SETD3: variants seen among roughly 807,000 people sequenced by gnomAD.
SETD3 encodes SET domain containing 3, actin N3(tau)-histidine methyltransferase.
SETD3 carries 19 observed loss-of-function variants against 63.0 expected under a neutral mutation model. The ratio of observed to expected loss-of-function variants is 0.30; its 90% CI spans 0.21 to 0.44. The LOEUF is 0.44. Among genes scored for constraint, SETD3 ranks in the 20% least tolerant of loss-of-function variants. SETD3 has a pLI of 1.00. For synonymous variants in SETD3, 286 were observed against 264.1 expected (o/e 1.08, Z -0.80); for missense variants, 587 against 728.5 (o/e 0.81, Z 2.24).
intron 8 of SETD3, among the ~76,000 whole-genome samples, chr14:99,408,464 G>T (rs1161475885): frequency 6.6e-6 from 1 of 152,114 alleles, no homozygotes; most frequent in Non-Finnish European, 1.5e-5. Flanking sequence ...TGAACTCCCA[G>T]GAGGGAGTCC....
At chr14:99,441,559 T>C (rs12894479) in intron 6 of SETD3, among the ~76,000 whole-genome samples, 75,750 of 152,140 alleles carry the variant, frequency 0.5, 19,436 homozygotes, top group African/African-American at 0.6. Context: ...CTAGCACAGA[T>C]GTCAGGGGGT....
intron 12 of SETD3, 39 bp downstream of exon 12, chr14:99,400,060 C>T: frequency 2.6e-6 from 4 of 1,548,616 alleles, no homozygotes; most frequent in Non-Finnish European, 3.5e-6. Context: ...ATCTTAACAA[C>T]ACAACAAGTT....
At chr14:99,438,749 C>G (rs531695433) in intron 6 of SETD3, among the ~76,000 whole-genome samples, 4 of 152,170 alleles carry the variant, frequency 2.6e-5, no homozygotes, top group Non-Finnish European at 4.4e-5. Context: ...TGACCATGTG[C>G]CCCTACAGGA....
chr14:99,477,132 A>C (rs944637124), intron 1 of SETD3, among the ~76,000 whole-genome samples: 2 of 152,188 alleles, frequency 1.3e-5, no homozygotes, highest in African/African-American at 4.8e-5. Flanking sequence ...TTCATTGTCA[A>C]CCAAGACTGT....
chr14:99,453,530 T>G (rs866396613), intron 6 of SETD3, among the ~76,000 whole-genome samples: 5 of 152,018 alleles, frequency 3.3e-5, no homozygotes, highest in Admixed American at 1.3e-4. Flanking sequence ...TCATTAGAAA[T>G]TTTCTAATGA....
At position 99,458,411 on chromosome 14, in the gene SETD3, A is replaced by T; in HGVS notation, c.543T>A (p.Ser181Arg). Residue 181 changes from serine to arginine, a missense_variant, in exon 6 of 13, where the codon AGT (serine) becomes AGA (arginine). Physicochemically the swap from Ser to Arg is moderately radical, Grantham distance 110. Coordinates refer to ENST00000331768, the MANE Select transcript of SETD3 (RefSeq NM_032233.3). The part of the protein sequence containing the change: ...FWQPYIQTLP[S>R]EYDTPLYFEE... Reference sequence around the variant, plus strand: ...CAAAGTAGAGAGGAGTGTCATATTCACTGGGGAGGGTTTGAATATAGGGCT... The same window carrying T: ...CAAAGTAGAGAGGAGTGTCATATTCTCTGGGGAGGGTTTGAATATAGGGCT... The T allele has an allele frequency of 1.9e-6, 3 of 1,614,102 alleles. No individual in the cohort carries two copies. Among genetic ancestry groups the T allele is most frequent in the Non-Finnish European group, 2.5e-6 (3 of 1,179,998 alleles).
At position 99,421,545 on chromosome 14, in the gene SETD3, C is replaced by A. The variant is rs567539606; in HGVS notation, c.676-7611G>T. Among the ~76,000 whole-genome samples the A allele has an allele frequency of 2.0e-5, 3 of 152,062 alleles. No homozygotes were observed. The South Asian group carries it at 6.3e-4, about 32-fold the overall frequency. On this transcript the variant is annotated intron_variant, in intron 6 of 12. Coordinates refer to ENST00000331768, the MANE Select transcript of SETD3 (RefSeq NM_032233.3). ...CAGAATATGTAGATAAACTCCTGTC[C>A]TAGAAAGGTATGACCTCAGCTTGGT...
In SETD3 at chr14:99,404,290, T is replaced by C; in HGVS notation, c.1112A>G (p.His371Arg). Residue 371 changes from histidine to arginine, a missense_variant, in exon 11 of 13, where the codon CAT (histidine) becomes CGT (arginine). Physicochemically the swap from His to Arg is conservative, Grantham distance 29. Transcript: ENST00000331768. ...GIPTSSVFAL[H>R]FTEPPISAQL... ...AGCAGAGATGGGCGGCTCGGTAAAA[T>C]GCAATGCAAAAACACTGGAACTGAT... 1 of 1,614,058 alleles carries C rather than the reference T, an allele frequency of 6.2e-7. No homozygotes were observed. Among genetic ancestry groups the C allele is most frequent in the Non-Finnish European group, 8.5e-7 (1 of 1,179,990 alleles).
At chr14:99,419,264 T>C (rs188300628) in intron 6 of SETD3, among the ~76,000 whole-genome samples, 3 of 152,326 alleles carry the variant, frequency 2.0e-5, no homozygotes, top group Non-Finnish European at 4.4e-5. Context: ...GCCTTTCGCT[T>C]ATATATAATT....
At chr14:99,451,576 G>A (rs576850523) in intron 6 of SETD3, among the ~76,000 whole-genome samples, 4 of 152,094 alleles carry the variant, frequency 2.6e-5, no homozygotes, top group South Asian at 2.1e-4. Context: ...GTGTGATCAC[G>A]GCTCACTGCA....
chr14:99,432,505 C>T (rs1341170424), intron 6 of SETD3, among the ~76,000 whole-genome samples: 1 of 152,210 alleles, frequency 6.6e-6, no homozygotes, highest in Non-Finnish European at 1.5e-5. Flanking sequence ...AAAAGCAAAA[C>T]TTCAGTTCCA....
chr14:99,483,528 C>T (rs758943440), upstream of SETD3, among the ~76,000 whole-genome samples: 4 of 152,138 alleles, frequency 2.6e-5, no homozygotes, highest in Non-Finnish European at 4.4e-5. Flanking sequence ...CCAGCCTGGG[C>T]GACAAAGCAA....
chr14:99,408,815 G>A (rs550008660), intron 8 of SETD3, among the ~76,000 whole-genome samples: 4 of 152,268 alleles, frequency 2.6e-5, no homozygotes, highest in African/African-American at 9.6e-5. Flanking sequence ...GTGTGTCTCA[G>A]TGCAAAGAAG....
chr14:99,472,120 C>T (rs570510743), intron 1 of SETD3, among the ~76,000 whole-genome samples: 1 of 152,330 alleles, frequency 6.6e-6, no homozygotes, highest in South Asian at 2.1e-4. Context: ...ACTATGTTCG[C>T]TGTTGCAGAA....
At chr14:99,406,092 G>T (rs111704336) in intron 9 of SETD3, among the ~76,000 whole-genome samples, 1 of 152,078 alleles carries the variant, frequency 6.6e-6, no homozygotes, top group Non-Finnish European at 1.5e-5. Flanking sequence ...AGATTAAAAT[G>T]AAAGTATAAG....
upstream of SETD3, among the ~76,000 whole-genome samples, chr14:99,485,244 T>C (rs3918046): frequency 0.92 from 140,404 of 152,250 alleles, 65,833 homozygotes; most frequent in East Asian, 1. Flanking sequence ...TGAATATACT[T>C]ACGATTTATC....
At chr14:99,485,824 C>A (rs766471543), upstream of SETD3, among the ~76,000 whole-genome samples, 1 of 152,008 alleles carries the variant, frequency 6.6e-6, no homozygotes, top group African/African-American at 2.4e-5. Context: ...TGCATTCCAG[C>A]CTGGATGACA....
intron 4 of SETD3, among the ~76,000 whole-genome samples, chr14:99,460,045 T>G (rs1894982644): frequency 1.3e-5 from 2 of 152,186 alleles, no homozygotes; most frequent in Non-Finnish European, 2.9e-5. Flanking sequence ...CTGCCTTGAA[T>G]CTGTCACAAG....
At chr14:99,413,200 T>C in intron 7 of SETD3, 135 bp from the exon 8 acceptor site, 1 of 610,704 alleles carries the variant, frequency 1.6e-6, no homozygotes. Context: ...AAGGTAATGT[T>C]TGGCCTTCAT....
Sources: gnomAD v4.1 joint callset for allele counts (sites outside exome capture counted in the v4.1 genomes callset) on GRCh38, gnomAD v4.1.1 for gene constraint, MANE v1.5 for transcripts, NCBI Gene and HGNC (gene_info 2026-07-23, HGNC 2026-07-21) for gene names.